Variants in SEPTIN10 observed in about 807,000 individuals in gnomAD.
SEPTIN10 encodes the protein septin 10, also known as septin-10.
Under a neutral mutation model 54.8 loss-of-function variants are expected in SEPTIN10, and 66 were observed. The observed-to-expected ratio is 1.21, with a 90% CI of 0.99 to 1.48. The LOEUF (loss-of-function observed/expected upper bound fraction) is 1.48. SEPTIN10 is among the 40% of genes most tolerant of loss of function. The probability of loss-of-function intolerance (pLI) is 0.00; values close to 1 mark genes in which losing one functional copy is unlikely to be tolerated. For missense variants in SEPTIN10, 620 were observed against 545.6 expected, an observed-to-expected ratio of 1.14 and a Z score of -1.36; for synonymous variants, 161 against 181.0, an observed-to-expected ratio of 0.89 and a Z score of 0.89.
intron 8 of SEPTIN10, among the ~76,000 whole-genome samples, chr2:109,556,086 T>C (rs1040906512): frequency 9.2e-5 from 14 of 152,210 alleles, no homozygotes; most frequent in Non-Finnish European, 1.3e-4. Context: ...TAAATGTTCA[T>C]AGAATGACAA....
chr2:109,568,070 G>T, intron 5 of SEPTIN10, 94 bp from the exon 6 acceptor site: 2 of 980,114 alleles, frequency 2.0e-6, no homozygotes, highest in Non-Finnish European at 3.0e-6. Context: ...TTCTGACAAT[G>T]AATTTCCCTA....
At chr2:109,565,950 A>C (rs928070183) in intron 6 of SEPTIN10, 91 bp from the exon 7 acceptor site, 2 of 1,164,586 alleles carry the variant, frequency 1.7e-6, no homozygotes, top group Middle Eastern at 1.9e-4. Context: ...AGAATAATTA[A>C]ATAACAAACC....
At chr2:109,572,440 CTATTTTATATATGAAAAA>C (rs1688626406) in intron 5 of SEPTIN10, among the ~76,000 whole-genome samples, 1 of 151,774 alleles carries the variant, frequency 6.6e-6, no homozygotes. Flanking sequence ...GCCTCTAGCC[CTATTTTATATATGAAAAA>C]TTGAATCCAA....
chr2:109,546,089 G>A lies in SEPTIN10; in HGVS notation c.1310C>T (p.Ala437Val). ...SEIFHSQSFL[A>V]TGSNLRKDKD... ...GTCCTTCCTCAGGTTGCTGCCTGTT[G>A]CCAGAAAGGACTGGCTGTGAAATAT... The change falls in exon 10 of 11, where the codon GCA becomes GTA. Residue 437 changes from alanine to valine, a missense_variant. Physicochemically the swap from Ala to Val is moderately conservative, Grantham distance 64 (BLOSUM62 0). Transcript: ENST00000397712. 6.2e-7 allele frequency: 1 copy of A among 1,603,702 alleles called. No homozygotes were observed. Among genetic ancestry groups the A allele is most frequent in the Non-Finnish European group, 8.5e-7 (1 of 1,176,312 alleles).
intron 7 of SEPTIN10, among the ~76,000 whole-genome samples, chr2:109,565,048 C>A (rs1686643620): frequency 6.6e-6 from 1 of 152,178 alleles, no homozygotes; most frequent in Admixed American, 6.5e-5. Flanking sequence ...AGTGAACACA[C>A]TTACATGATC....
Position 109,544,298 on chromosome 2 carries a change from GA to G in SEPTIN10, c.*10del, listed in dbSNP as rs771277223. ...TGTGATGATGACCTTCTGTGCTCTG[GA>G]ACTTCTGTTTTACAAAAAATTGGAG... is the stretch of plus-strand genomic sequence containing the variant. On this transcript the variant is annotated 3_prime_UTR_variant, in exon 11 of 11. Coordinates refer to ENST00000397712, the MANE Select transcript of SEPTIN10 (RefSeq NM_144710.5). 1 of 1,599,432 alleles carries G rather than the reference GA, an allele frequency of 6.3e-7. No individual in the cohort carries two copies. Among genetic ancestry groups the G allele is most frequent in the Non-Finnish European group, 8.5e-7 (1 of 1,176,106 alleles).
chr2:109,606,807 G>A (rs886104776), intron 1 of SEPTIN10, among the ~76,000 whole-genome samples: 5 of 149,828 alleles, frequency 3.3e-5, no homozygotes, highest in African/African-American at 9.9e-5. Flanking sequence ...AGCCTCCCGA[G>A]TAGCTGGGAC....
intron 6 of SEPTIN10, 147 bp from the exon 7 acceptor site, chr2:109,566,006 C>T (rs1217425554): frequency 8.5e-6 from 6 of 706,654 alleles, no homozygotes; most frequent in Non-Finnish European, 1.5e-5. Context: ...TAAAACCTGC[C>T]AGTGAATATG....
chr2:109,578,904 C>G (rs1182501719), intron 4 of SEPTIN10, among the ~76,000 whole-genome samples: 4 of 151,594 alleles, frequency 2.6e-5, no homozygotes, highest in Non-Finnish European at 4.4e-5. Context: ...GAAATTGGAA[C>G]AAAACTCCAA....
At chr2:109,566,455 C>G (rs1289012935) in intron 6 of SEPTIN10, among the ~76,000 whole-genome samples, 1 of 151,996 alleles carries the variant, frequency 6.6e-6, no homozygotes, top group South Asian at 2.1e-4. Context: ...AAAGAATTTT[C>G]CTCTAAAAGA....
chr2:109,548,742 C>T, intron 9 of SEPTIN10, among the ~76,000 whole-genome samples: 1 of 137,370 alleles, frequency 7.3e-6, no homozygotes, highest in African/African-American at 2.8e-5. Flanking sequence ...CGCCATTGCA[C>T]TCCAGCTTGG....
At chr2:109,572,047 A>G (rs1333223821) in intron 5 of SEPTIN10, among the ~76,000 whole-genome samples, 1 of 152,246 alleles carries the variant, frequency 6.6e-6, no homozygotes, top group Non-Finnish European at 1.5e-5. Context: ...CATATATGCC[A>G]GGCATTGTAC....
At chr2:109,551,331 T>A (rs1455723278) in intron 9 of SEPTIN10, among the ~76,000 whole-genome samples, 1 of 152,248 alleles carries the variant, frequency 6.6e-6, no homozygotes, top group Non-Finnish European at 1.5e-5. Context: ...TAGAATTAAA[T>A]AATGTTTTGA....
intron 1 of SEPTIN10, among the ~76,000 whole-genome samples, chr2:109,611,751 T>C (rs1337414145): frequency 6.6e-6 from 1 of 152,082 alleles, no homozygotes; most frequent in Non-Finnish European, 1.5e-5. Context: ...TGGGTGACAA[T>C]ACGAGAAATC....
intron 8 of SEPTIN10, among the ~76,000 whole-genome samples, chr2:109,554,124 TA>T (rs1277527257): frequency 6.6e-6 from 1 of 152,088 alleles, no homozygotes; most frequent in Non-Finnish European, 1.5e-5. Flanking sequence ...TAAGAAAAAT[TA>T]ACAAAAACAA....
intron 4 of SEPTIN10, among the ~76,000 whole-genome samples, chr2:109,576,269 A>AAC (rs879549385): frequency 2.0e-5 from 3 of 150,840 alleles, no homozygotes; most frequent in East Asian, 1.9e-4. Flanking sequence ...AAATGAATTA[A>AAC]ATATATATAT....
Position 109,544,224 on chromosome 2 carries a change from A to G in SEPTIN10, c.*85T>C, listed in dbSNP as rs1457648614. ...CAAATATAGAAGTGATAAAACAAAT[A>G]ACAGCAAAATCAAAGCACACTTCTA... On this transcript the variant is annotated 3_prime_UTR_variant, in exon 11 of 11. Coordinates refer to ENST00000397712, the MANE Select transcript of SEPTIN10 (RefSeq NM_144710.5). The G allele has an allele frequency of 1.2e-6, 2 of 1,611,258 alleles. No individual in the cohort carries two copies. The highest frequency in any genetic ancestry group is 2.7e-5 in the African/African-American group (2 of 74,918).
intron 8 of SEPTIN10, among the ~76,000 whole-genome samples, chr2:109,553,486 G>A (rs1683563475): frequency 6.6e-6 from 1 of 151,570 alleles, no homozygotes; most frequent in Non-Finnish European, 1.5e-5. Flanking sequence ...AGAGATTGCA[G>A]TGAGCTGAGA....
At chr2:109,567,505 G>A (rs1290055929) in intron 6 of SEPTIN10, among the ~76,000 whole-genome samples, 1 of 152,146 alleles carries the variant, frequency 6.6e-6, no homozygotes, top group Admixed American at 6.6e-5. Context: ...TAAAGACAGG[G>A]TAGGAAGGTG....
Sources: allele counts gnomAD v4.1 joint callset (sites outside exome capture counted in the v4.1 genomes callset), GRCh38; gene constraint gnomAD v4.1.1; transcripts MANE v1.5; gene names NCBI Gene and HGNC (gene_info 2026-07-23, HGNC 2026-07-21).